The following NEK3 variants were observed in gnomAD, a reference collection of about 807,000 sequenced individuals.
NEK3 encodes serine/threonine-protein kinase Nek3.
NEK3 carries 54 observed loss-of-function variants against 66.0 expected under a neutral mutation model. The observed-to-expected ratio is 0.82, with a 90% confidence interval of 0.66 to 1.03. NEK3 has a LOEUF of 1.03. Among genes scored for constraint, NEK3 ranks in the 50% least tolerant of loss-of-function variants. The probability of loss-of-function intolerance (pLI) is 0.00; values close to 1 mark genes in which losing one functional copy is unlikely to be tolerated. For synonymous variants in NEK3, 200 were observed against 206.2 expected, an observed-to-expected ratio of 0.97 and a Z score of 0.26; for missense variants, 593 against 603.0, an observed-to-expected ratio of 0.98 and a Z score of 0.17.
At chr13:52,142,345 C>T (rs1196989726) in intron 10 of NEK3, among the ~76,000 whole-genome samples, 1 of 151,368 alleles carries the variant, frequency 6.6e-6, no homozygotes, top group South Asian at 2.1e-4. Flanking sequence ...GGCGCAATCT[C>T]GGCTCACTGC....
intron 11 of NEK3, among the ~76,000 whole-genome samples, chr13:52,140,653 C>A (rs1455402399): frequency 6.6e-6 from 1 of 151,810 alleles, no homozygotes; most frequent in African/African-American, 2.4e-5. Context: ...AAATGGCGAC[C>A]TAAAGTGGCT....
intron 7 of NEK3, among the ~76,000 whole-genome samples, chr13:52,148,946 C>T (rs1409867804): frequency 6.6e-6 from 1 of 152,186 alleles, no homozygotes; most frequent in African/African-American, 2.4e-5. Context: ...GGCTGTAGTG[C>T]AGCCTCACAA....
chr13:52,151,630 G>A lies in NEK3; in HGVS notation c.394-238C>T, dbSNP rs914080788. Reference sequence around the variant, plus strand: ...CAAGTTTTAGGTTGTATCAGCAGACGCAATCGACCCAGTGAGAACCTGTGT... The same window carrying A: ...CAAGTTTTAGGTTGTATCAGCAGACACAATCGACCCAGTGAGAACCTGTGT... On this transcript the variant is annotated intron_variant, in intron 5 of 15. Coordinates refer to ENST00000610828, the MANE Select transcript of NEK3 (RefSeq NM_002498.3). Among the ~76,000 whole-genome samples the A allele has an allele frequency of 8.5e-5, 13 of 152,212 alleles. No individual in the cohort carries two copies. The South Asian group carries it at 1.0e-3, about 12-fold the overall frequency.
At chr13:52,152,543 A>G in intron 5 of NEK3, 66 bp downstream of exon 5, 1 of 979,924 alleles carries the variant, frequency 1.0e-6, no homozygotes, top group Non-Finnish European at 1.6e-6. Flanking sequence ...AATGCATGGC[A>G]TAACACAGTA....
Position 52,152,607 on chromosome 13 carries a change from A to G in NEK3, c.393+2T>C. On this transcript the variant is annotated splice_donor_variant, in intron 5 of 15. Coordinates refer to ENST00000610828, the MANE Select transcript of NEK3 (RefSeq NM_002498.3). LOFTEE classifies it high-confidence loss of function. ...TTAAGTCCAAAAATGTACTCCACTC[A>G]CCTTGGACTTGATATCTCTGTGTAG... is the stretch of plus-strand genomic sequence containing the variant. 1 of 1,589,620 alleles carries G rather than the reference A, an allele frequency of 6.3e-7. No homozygotes were observed. The highest frequency in any genetic ancestry group is 8.6e-7 in the Non-Finnish European group (1 of 1,167,008).
At chr13:52,157,805 G>A (rs1026666752) in intron 1 of NEK3, among the ~76,000 whole-genome samples, 3 of 152,222 alleles carry the variant, frequency 2.0e-5, no homozygotes, top group African/African-American at 7.2e-5. Context: ...AAACCTTAGG[G>A]AAGTGATGCA....
At chr13:52,136,295 G>C (rs1325786868) in intron 12 of NEK3, 36 bp from the exon 13 acceptor site, 1 of 1,607,026 alleles carries the variant, frequency 6.2e-7, no homozygotes, top group Non-Finnish European at 8.5e-7. Flanking sequence ...TGCCAAGCAT[G>C]TGAAATTATG....
intron 7 of NEK3, among the ~76,000 whole-genome samples, chr13:52,148,895 T>C (rs1274289847): frequency 6.6e-6 from 1 of 151,990 alleles, no homozygotes; most frequent in Non-Finnish European, 1.5e-5. Flanking sequence ...AGGGATAGGG[T>C]TCTTCCTTTT....
chr13:52,156,251 G>A lies in NEK3; in HGVS notation c.-57-3C>T, dbSNP rs1412224373. 8.6e-6 allele frequency: 8 copies of A among 933,794 alleles called. No individual in the cohort carries two copies. Among genetic ancestry groups the A allele is most frequent in the Middle Eastern group, 2.5e-4 (1 of 3,954 alleles). 57.8% of individuals were successfully genotyped at this position (933,794 alleles called of 1,614,324 possible). ...CAGTCACCATGGGCTCTCCCAAACTGCATTCAAAAGCAGAAACATTTGAGA... is the reference window on the plus strand; with the variant it reads ...CAGTCACCATGGGCTCTCCCAAACTACATTCAAAAGCAGAAACATTTGAGA... On this transcript the variant is annotated splice_region_variant and splice_polypyrimidine_tract_variant and intron_variant, in intron 1 of 15. Transcript: ENST00000610828.
intron 4 of NEK3, among the ~76,000 whole-genome samples, chr13:52,153,035 G>A (rs747727093): frequency 4.9e-4 from 74 of 152,254 alleles, no homozygotes; most frequent in African/African-American, 9.1e-4. Context: ...AGCTTTTCTA[G>A]TGTAATCATT....
At chr13:52,137,197 A>G (rs890887011) in intron 11 of NEK3, among the ~76,000 whole-genome samples, 1 of 152,200 alleles carries the variant, frequency 6.6e-6, no homozygotes, top group Non-Finnish European at 1.5e-5. Context: ...TATTAAAATG[A>G]CAGCTATTTG....
At chr13:52,145,125 T>C (rs1350029158) in intron 8 of NEK3, among the ~76,000 whole-genome samples, 2 of 152,214 alleles carry the variant, frequency 1.3e-5, no homozygotes, top group Admixed American at 6.5e-5. Flanking sequence ...CAATGCCTGC[T>C]GTGACTACCT....
intron 15 of NEK3, 126 bp from the exon 16 acceptor site, chr13:52,133,352 G>A (rs2138185361): frequency 1.3e-6 from 1 of 797,694 alleles, no homozygotes; most frequent in Non-Finnish European, 2.0e-6. Context: ...TAAGGCAACT[G>A]AAGGGAAAAA....
intron 10 of NEK3, among the ~76,000 whole-genome samples, chr13:52,142,377 C>T (rs1037574799): frequency 1.3e-5 from 2 of 151,792 alleles, no homozygotes; most frequent in African/African-American, 2.4e-5. Flanking sequence ...CCCAGGTTCA[C>T]GCCATTCTCC....
At chr13:52,133,614 A>AACACAC in intron 15 of NEK3, 75 bp downstream of exon 15, 1 of 647,628 alleles carries the variant, frequency 1.5e-6, no homozygotes, top group Non-Finnish European at 2.2e-6. Flanking sequence ...TCTAATTTAA[A>AACACAC]TCACACACAC....
chr13:52,133,925 C>CT, intron 14 of NEK3, 110 bp from the exon 15 acceptor site: 7 of 1,123,444 alleles, frequency 6.2e-6, no homozygotes, highest in Non-Finnish European at 8.8e-6. Context: ...ATGCCATGTC[C>CT]CATAACTCTT....
Position 52,135,760 on chromosome 13 carries a change from C to T in NEK3, c.1278G>A (p.Leu426=), listed in dbSNP as rs1332451902. 2 of 1,613,456 alleles carry T rather than the reference C, an allele frequency of 1.2e-6. No individual in the cohort carries two copies. The highest frequency in any genetic ancestry group is 1.7e-6 in the Non-Finnish European group (2 of 1,179,626). The change falls in exon 14 of 16, where the codon TTG becomes TTA. Residue 426 remains leucine (L), a synonymous_variant. Coordinates refer to ENST00000610828, the MANE Select transcript of NEK3 (RefSeq NM_002498.3). The stretch of plus-strand genomic sequence containing the variant: ...TATATATTGTGTATGTTTGAAAAGC[C>T]AAGCTGAGATCAGCATTCTTAAGGA... ...LNILKNADLS[L]AFQTYTIYRP... is the part of the protein sequence containing the mutation.
chr13:52,139,619 C>T (rs1956230974), intron 11 of NEK3, among the ~76,000 whole-genome samples: 1 of 152,122 alleles, frequency 6.6e-6, no homozygotes, highest in African/African-American at 2.4e-5. Flanking sequence ...AAAAAGCAGG[C>T]CAGGTGTGGT....
At chr13:52,145,062 A>G (rs529655124) in intron 8 of NEK3, among the ~76,000 whole-genome samples, 171 bp from the exon 9 acceptor site, 12 of 152,164 alleles carry the variant, frequency 7.9e-5, no homozygotes, top group Non-Finnish European at 1.6e-4. Flanking sequence ...GGCTTAGGAG[A>G]AAGTTAAACA....
Sources: allele counts gnomAD v4.1 joint callset (sites outside exome capture counted in the v4.1 genomes callset), GRCh38; gene constraint gnomAD v4.1.1; transcripts MANE v1.5; gene names NCBI Gene and HGNC (gene_info 2026-07-23, HGNC 2026-07-21).